Variants in USP34 observed in about 807,000 individuals in gnomAD.
USP34 encodes ubiquitin carboxyl-terminal hydrolase 34.
A neutral mutation model predicts 460.3 loss-of-function variants in USP34; 70 were observed. The observed-to-expected ratio is 0.15, with a 90% CI of 0.13 to 0.19. The LOEUF (loss-of-function observed/expected upper bound fraction) is 0.19, where lower values mean the gene tolerates loss of function less well. USP34 is among the 10% of genes least tolerant of loss of function. The pLI is 1.00. For missense variants in USP34, 3,985 were observed against 4,236.2 expected, an observed-to-expected ratio of 0.94 and a Z score of 1.65; for synonymous variants, 1,647 against 1,405.3, an observed-to-expected ratio of 1.17 and a Z score of -3.85.
chr2:61,310,777 T>C (rs1014810493), intron 27 of USP34, among the ~76,000 whole-genome samples: 1 of 151,954 alleles, frequency 6.6e-6, no homozygotes, highest in African/African-American at 2.4e-5. Context: ...GTGTTATTTT[T>C]ATATTCTCAG....
intron 51 of USP34, among the ~76,000 whole-genome samples, chr2:61,242,612 T>A (rs1301944893): frequency 6.6e-6 from 1 of 151,928 alleles, no homozygotes; most frequent in Non-Finnish European, 1.5e-5. Flanking sequence ...GAACAAAGGA[T>A]CCCAGAGAGG....
intron 22 of USP34, 58 bp downstream of exon 22, chr2:61,319,115 C>A: frequency 2.7e-6 from 4 of 1,469,714 alleles, no homozygotes; most frequent in South Asian, 1.4e-5. Flanking sequence ...ATTCGTATTT[C>A]AAGAGATGAA....
At chr2:61,429,930 T>C (rs961239167) in intron 1 of USP34, among the ~76,000 whole-genome samples, 1 of 150,112 alleles carries the variant, frequency 6.7e-6, no homozygotes, top group African/African-American at 2.5e-5. Context: ...GTACAAAAAT[T>C]AGGCTGGGCG....
chr2:61,446,134 A>AG (rs869073833), intron 1 of USP34, among the ~76,000 whole-genome samples: 1 of 148,710 alleles, frequency 6.7e-6, no homozygotes, highest in African/African-American at 2.5e-5. Flanking sequence ...AAAAAAAAAA[A>AG]CTAAACTAAA....
intron 10 of USP34, among the ~76,000 whole-genome samples, chr2:61,357,599 T>A (rs1394961908): frequency 6.6e-6 from 1 of 152,018 alleles, no homozygotes; most frequent in Non-Finnish European, 1.5e-5. Context: ...ATAAAGAATA[T>A]GAAAATAGTA....
chr2:61,301,254 T>C (rs933692441), intron 28 of USP34, 94 bp from the exon 29 acceptor site: 1 of 1,513,486 alleles, frequency 6.6e-7, no homozygotes, highest in Non-Finnish European at 8.9e-7. Context: ...AATTTTAATA[T>C]AACAAAGCAA....
intron 1 of USP34, among the ~76,000 whole-genome samples, chr2:61,448,584 T>A (rs1695183760): frequency 6.6e-6 from 1 of 152,174 alleles, no homozygotes; most frequent in Non-Finnish European, 1.5e-5. Context: ...ATATTTTTAA[T>A]AATGAGTATA....
chr2:61,399,041 C>A (rs1456402082), intron 3 of USP34, among the ~76,000 whole-genome samples: 1 of 152,150 alleles, frequency 6.6e-6, no homozygotes, highest in Non-Finnish European at 1.5e-5. Context: ...ATTTCTAGTG[C>A]CTAACATGGG....
At chr2:61,367,902 A>T (rs1485026202) in intron 10 of USP34, among the ~76,000 whole-genome samples, 2 of 152,224 alleles carry the variant, frequency 1.3e-5, no homozygotes, top group Non-Finnish European at 2.9e-5. Context: ...TCGTATGAAG[A>T]AATAAATAAG....
intron 41 of USP34, 130 bp downstream of exon 41, chr2:61,278,035 C>T (rs1689423959): frequency 8.4e-7 from 1 of 1,195,948 alleles, no homozygotes; most frequent in African/African-American, 1.6e-5. Flanking sequence ...GAATTAAACC[C>T]TTTTCTTTTG....
At chr2:61,349,794 T>C (rs1691891280) in intron 12 of USP34, among the ~76,000 whole-genome samples, 1 of 151,788 alleles carries the variant, frequency 6.6e-6, no homozygotes, top group African/African-American at 2.4e-5. Flanking sequence ...TGAGCCAAGA[T>C]AGCACCACTG....
chr2:61,363,010 GA>G (rs887776944), intron 10 of USP34, among the ~76,000 whole-genome samples: 1 of 151,890 alleles, frequency 6.6e-6, no homozygotes, highest in African/African-American at 2.4e-5. Context: ...AAACTCAAAA[GA>G]AAACCAAACA....
chr2:61,242,388 G>A (rs746856846), intron 51 of USP34, among the ~76,000 whole-genome samples: 2 of 151,430 alleles, frequency 1.3e-5, no homozygotes, highest in African/African-American at 4.9e-5. Flanking sequence ...CAACTGATGG[G>A]AGACAGCAAA....
chr2:61,359,509 T>C (rs1233813155), intron 10 of USP34, among the ~76,000 whole-genome samples: 2 of 152,224 alleles, frequency 1.3e-5, no homozygotes, highest in Non-Finnish European at 2.9e-5. Flanking sequence ...ATAAGGATTG[T>C]AATCTTCATG....
chr2:61,295,914 G>A (rs912063629), intron 30 of USP34, among the ~76,000 whole-genome samples: 1 of 152,138 alleles, frequency 6.6e-6, no homozygotes, highest in Non-Finnish European at 1.5e-5. Flanking sequence ...TCATCCTGTA[G>A]AGTTCTTTCG....
At position 61,319,340 on chromosome 2, in the gene USP34, T is replaced by G. The variant is rs1274783433; in HGVS notation, c.3014-13A>C. The G allele has an allele frequency of 1.3e-6, 2 of 1,507,522 alleles. No individual in the cohort carries two copies. The highest frequency in any genetic ancestry group is 2.9e-5 in the African/African-American group (2 of 69,650). The allele number at this position is 1,507,522 out of a possible 1,614,324, so 93.4% of individuals were successfully genotyped here. A position where few individuals can be genotyped will look rare whatever the true frequency, so the allele number is the denominator to read the frequency against. On this transcript the variant is annotated splice_polypyrimidine_tract_variant and intron_variant, in intron 21 of 79. Transcript: ENST00000398571. ...TCTAAACTTAACCCTAGATAAAAAT[T>G]ATAAATTTTATACTTTATTAACTAC...
chr2:61,404,837 T>C (rs1416161085), intron 3 of USP34, among the ~76,000 whole-genome samples: 3 of 152,160 alleles, frequency 2.0e-5, no homozygotes, highest in Non-Finnish European at 2.9e-5. Context: ...AAATCAATCA[T>C]ATTATCTGAG....
intron 10 of USP34, among the ~76,000 whole-genome samples, chr2:61,358,647 C>T (rs1041237434): frequency 1.3e-5 from 2 of 152,058 alleles, no homozygotes; most frequent in African/African-American, 4.8e-5. Flanking sequence ...ATATGAAAGG[C>T]ATCCAAATGA....
intron 1 of USP34, among the ~76,000 whole-genome samples, chr2:61,464,606 C>G (rs1695707668): frequency 6.6e-6 from 1 of 150,602 alleles, no homozygotes; most frequent in Admixed American, 6.7e-5. Context: ...AAAACAATGA[C>G]GTACACCAGG....
Sources: gnomAD v4.1 joint callset for allele counts (sites outside exome capture counted in the v4.1 genomes callset) on GRCh38, gnomAD v4.1.1 for gene constraint, MANE v1.5 for transcripts, NCBI Gene and HGNC (gene_info 2026-07-23, HGNC 2026-07-21) for gene names.